GPR39: variants seen among roughly 807,000 people sequenced by gnomAD.
The protein encoded by GPR39 is G protein-coupled receptor 39, also known as zinc sensing receptor.
GPR39 carries 23 observed loss-of-function variants against 18.4 expected under a neutral mutation model. That is an observed-to-expected ratio of 1.25 (90% CI 0.90 to 1.77). The LOEUF (loss-of-function observed/expected upper bound fraction) is 1.77. Ranked by LOEUF, GPR39 falls within the 40% of genes most tolerant of loss-of-function variation. GPR39 has a pLI of 0.00. For synonymous variants in GPR39, 280 were observed against 257.9 expected, an observed-to-expected ratio of 1.09 and a Z score of -0.82; for missense variants, 647 against 602.4, an observed-to-expected ratio of 1.07 and a Z score of -0.78.
At chr2:132,598,030 T>A (rs1055199964) in intron 1 of GPR39, among the ~76,000 whole-genome samples, 9 of 152,180 alleles carry the variant, frequency 5.9e-5, no homozygotes, top group Non-Finnish European at 1.0e-4. Flanking sequence ...TAGCTGTTTG[T>A]TCCTGAGACT....
chr2:132,531,441 TC>T (rs1461129913), intron 1 of GPR39, among the ~76,000 whole-genome samples: 2 of 152,284 alleles, frequency 1.3e-5, no homozygotes, highest in East Asian at 3.9e-4. Context: ...ATTAGACAGA[TC>T]AACGAGACAG....
At chr2:132,631,384 TATC>T (rs759519380) in intron 1 of GPR39, among the ~76,000 whole-genome samples, 2 of 152,212 alleles carry the variant, frequency 1.3e-5, no homozygotes, top group African/African-American at 2.4e-5. Flanking sequence ...GATTTATTCT[TATC>T]ATGTTGTGCA....
intron 1 of GPR39, among the ~76,000 whole-genome samples, chr2:132,590,817 T>TTG (rs1680813931): frequency 1.1e-4 from 11 of 104,710 alleles, no homozygotes; most frequent in Non-Finnish European, 7.5e-5. Flanking sequence ...AAAGTATTGT[T>TTG]CGTGTGTGTG....
rs149108613 is a variant in GPR39, at chr2:132,524,321, G to T, written c.856+106423G>T. Among the ~76,000 whole-genome samples, 78 of 152,294 alleles carry T rather than the reference G, an allele frequency of 5.1e-4. 1 individual carries two copies. Among genetic ancestry groups the T allele is most frequent in the Non-Finnish European group, 9.7e-4 (66 of 68,022 alleles). On this transcript the variant is annotated intron_variant, in intron 1 of 1. Coordinates refer to ENST00000329321, the MANE Select transcript of GPR39 (RefSeq NM_001508.3). ...CTTTACCTGGACATGTTAAGCATGG[G>T]TCACCCACCTACCTGTCAGCATTAG...
At chr2:132,603,996 T>G (rs571106074) in intron 1 of GPR39, among the ~76,000 whole-genome samples, 1 of 152,276 alleles carries the variant, frequency 6.6e-6, no homozygotes, top group South Asian at 2.1e-4. Context: ...CATGTGTGTT[T>G]GTGCTGACTG....
At chr2:132,545,651 T>TGG (rs1434033978) in intron 1 of GPR39, among the ~76,000 whole-genome samples, 2 of 92,278 alleles carry the variant, frequency 2.2e-5, no homozygotes, top group Non-Finnish European at 4.8e-5. Flanking sequence ...CGATGTGTGA[T>TGG]GGGCGTGTGT....
chr2:132,581,172 C>G (rs1680616119), intron 1 of GPR39, among the ~76,000 whole-genome samples: 1 of 151,940 alleles, frequency 6.6e-6, no homozygotes, highest in Non-Finnish European at 1.5e-5. Context: ...TGTCCAGTGA[C>G]TTTCTTTCTG....
chr2:132,520,679 A>G (rs1333838408), intron 1 of GPR39, among the ~76,000 whole-genome samples: 1 of 152,234 alleles, frequency 6.6e-6, no homozygotes, highest in East Asian at 1.9e-4. Flanking sequence ...TTGGGACCCC[A>G]CCAGCAATGC....
chr2:132,571,630 T>C (rs1377753672), intron 1 of GPR39, among the ~76,000 whole-genome samples: 1 of 152,070 alleles, frequency 6.6e-6, no homozygotes, highest in African/African-American at 2.4e-5. Flanking sequence ...AGCTGGGAAC[T>C]GGGGAGTGGG....
chr2:132,482,087 A>T (rs1472511954), intron 1 of GPR39, among the ~76,000 whole-genome samples: 1 of 152,136 alleles, frequency 6.6e-6, no homozygotes, highest in Non-Finnish European at 1.5e-5. Flanking sequence ...CTCTGCATTG[A>T]CTGGTGCCAC....
chr2:132,622,803 A>G (rs1681465741), intron 1 of GPR39, among the ~76,000 whole-genome samples: 1 of 152,190 alleles, frequency 6.6e-6, no homozygotes, highest in African/African-American at 2.4e-5. Context: ...AGTGAGCCAC[A>G]TTGTAGTAGA....
At chr2:132,437,784 C>T (rs1680352451) in intron 1 of GPR39, among the ~76,000 whole-genome samples, 1 of 152,136 alleles carries the variant, frequency 6.6e-6, no homozygotes, top group Non-Finnish European at 1.5e-5. Flanking sequence ...GGAAGGCTGA[C>T]ATGTCAAGGG....
In GPR39 at chr2:132,485,978, T is replaced by C. The variant is rs554486991; in HGVS notation, c.856+68080T>C. Reference sequence around the variant, plus strand: ...GACAGCTATAGACTTATGAGAAGTATTTCTTAAATAATTAGACTCAAAAGT... The same window carrying C: ...GACAGCTATAGACTTATGAGAAGTACTTCTTAAATAATTAGACTCAAAAGT... On this transcript the variant is annotated intron_variant, in intron 1 of 1. Transcript: ENST00000329321. Among the ~76,000 whole-genome samples the C allele has an allele frequency of 2.6e-5, 4 of 152,342 alleles. No homozygotes were observed. The South Asian group carries it at 8.3e-4, about 32-fold the overall frequency.
At chr2:132,496,443 C>A (rs752797092) in intron 1 of GPR39, among the ~76,000 whole-genome samples, 4 of 152,128 alleles carry the variant, frequency 2.6e-5, no homozygotes, top group Non-Finnish European at 5.9e-5. Context: ...TGGTCCCCTC[C>A]CAAAATAATA....
At chr2:132,600,845 G>A (rs1199553263) in intron 1 of GPR39, among the ~76,000 whole-genome samples, 1 of 151,810 alleles carries the variant, frequency 6.6e-6, no homozygotes, top group Admixed American at 6.6e-5. Context: ...GTTTACATTG[G>A]TGAATTGTAC....
At chr2:132,608,813 G>A (rs375462909) in intron 1 of GPR39, among the ~76,000 whole-genome samples, 4 of 152,262 alleles carry the variant, frequency 2.6e-5, no homozygotes, top group South Asian at 4.1e-4. Flanking sequence ...GGGTGCGGGA[G>A]CAGGGCGGGC....
chr2:132,489,182 T>G (rs1286470258), intron 1 of GPR39: 1 of 227,722 alleles, frequency 4.4e-6, no homozygotes, highest in Admixed American at 4.1e-5. Context: ...GGTACACAAA[T>G]GCATCTTCCT....
chr2:132,531,980 G>T (rs1290664295), intron 1 of GPR39, among the ~76,000 whole-genome samples: 3 of 152,204 alleles, frequency 2.0e-5, no homozygotes, highest in Non-Finnish European at 2.9e-5. Flanking sequence ...ACTAGCAGAA[G>T]GCAAGAAGTA....
At chr2:132,554,209 C>T (rs1680104989) in intron 1 of GPR39, among the ~76,000 whole-genome samples, 1 of 152,194 alleles carries the variant, frequency 6.6e-6, no homozygotes, top group African/African-American at 2.4e-5. Context: ...GAACCGATGG[C>T]TGGCTAGAGA....
Sources: allele counts gnomAD v4.1 joint callset (sites outside exome capture counted in the v4.1 genomes callset), GRCh38; gene constraint gnomAD v4.1.1; transcripts MANE v1.5; gene names NCBI Gene and HGNC (gene_info 2026-07-23, HGNC 2026-07-21).